Variants in SYNE1 observed in about 807,000 individuals in gnomAD.
SYNE1 encodes the protein spectrin repeat containing nuclear envelope protein 1.
A neutral mutation model predicts 1,111.0 loss-of-function variants in SYNE1; 616 were observed. The observed-to-expected ratio is 0.55, with a 90% confidence interval of 0.52 to 0.59. SYNE1 has a LOEUF of 0.59. Among genes scored for constraint, SYNE1 ranks in the 20% least tolerant of loss-of-function variants. The pLI, the probability that SYNE1 is intolerant of heterozygous loss-of-function variation, is 0.00. For synonymous variants in SYNE1, 3,855 were observed against 3,825.8 expected (o/e 1.01, Z -0.28); for missense variants, 10,006 against 10,417.0 (o/e 0.96, Z 1.72).
Position 152,310,537 on chromosome 6 carries a change from T to C in SYNE1, c.16897-19A>G. On this transcript the variant is annotated intron_variant, in intron 88 of 145. Transcript: ENST00000367255. ...TCATATCCTAGAGAGTCAATATCAATGTATTGTACTTGAAGTTCAAAGCCA... is the reference window on the plus strand; with the variant it reads ...TCATATCCTAGAGAGTCAATATCAACGTATTGTACTTGAAGTTCAAAGCCA... 1 of 1,613,924 alleles carries C rather than the reference T, an allele frequency of 6.2e-7. No homozygotes were observed. The highest frequency in any genetic ancestry group is 1.1e-5 in the South Asian group (1 of 91,046).
At chr6:152,343,454 C>G (rs776330648) in intron 74 of SYNE1, among the ~76,000 whole-genome samples, 12 of 148,548 alleles carry the variant, frequency 8.1e-5, no homozygotes, top group Non-Finnish European at 1.6e-4. Context: ...CCACTATGCC[C>G]GGCCCCATTC....
intron 3 of SYNE1, among the ~76,000 whole-genome samples, chr6:152,607,015 T>C (rs563520621): frequency 4.5e-4 from 52 of 114,446 alleles, no homozygotes; most frequent in African/African-American, 1.7e-3. Context: ...GACGGCGTCT[T>C]GCTCTGTCAC....
intron 102 of SYNE1, among the ~76,000 whole-genome samples, chr6:152,256,365 G>A (rs1486567557): frequency 6.6e-6 from 1 of 152,048 alleles, no homozygotes; most frequent in African/African-American, 2.4e-5. Flanking sequence ...AGGAGGCGGA[G>A]GTTGCAATGA....
intron 78 of SYNE1, 107 bp downstream of exon 78, chr6:152,329,623 G>A (rs1356908312): frequency 3.0e-5 from 42 of 1,422,482 alleles, no homozygotes; most frequent in Middle Eastern, 4.5e-4. Context: ...GTAGTATTTC[G>A]AAAGAAATAT....
At chr6:152,400,180 T>A (rs758311452) in intron 47 of SYNE1, among the ~76,000 whole-genome samples, 1 of 151,986 alleles carries the variant, frequency 6.6e-6, no homozygotes, top group Non-Finnish European at 1.5e-5. Context: ...TTGAACTTTG[T>A]TTCAGAGTCA....
chr6:152,606,554 T>C (rs913811755), intron 3 of SYNE1, among the ~76,000 whole-genome samples: 12 of 152,216 alleles, frequency 7.9e-5, no homozygotes, highest in African/African-American at 2.9e-4. Context: ...ACTCTGCATT[T>C]TACCAATAGA....
At chr6:152,419,047 C>A (rs187907344) in intron 40 of SYNE1, among the ~76,000 whole-genome samples, 1 of 152,224 alleles carries the variant, frequency 6.6e-6, no homozygotes, top group East Asian at 1.9e-4. Context: ...AATGTGTTTG[C>A]CATTTCTCCT....
At chr6:152,276,976 C>CCAGGTT (rs1465626517) in intron 98 of SYNE1, among the ~76,000 whole-genome samples, 1 of 150,442 alleles carries the variant, frequency 6.6e-6, no homozygotes, top group Admixed American at 6.6e-5. Context: ...CCTCTGCTTC[C>CCAGGTT]CAGGTTCAGG....
At chr6:152,309,304 T>C (rs970694152) in intron 90 of SYNE1, among the ~76,000 whole-genome samples, 1 of 152,222 alleles carries the variant, frequency 6.6e-6, no homozygotes, top group Non-Finnish European at 1.5e-5. Context: ...ATACAATTTT[T>C]GGATAAAGCA....
intron 3 of SYNE1, among the ~76,000 whole-genome samples, chr6:152,617,779 G>A (rs2099662742): frequency 6.6e-6 from 1 of 152,188 alleles, no homozygotes; most frequent in Non-Finnish European, 1.5e-5. Flanking sequence ...ACTCTGGCTG[G>A]TGGTATTAGG....
At chr6:152,563,051 A>T (rs982167489) in intron 3 of SYNE1, among the ~76,000 whole-genome samples, 12 of 122,094 alleles carry the variant, frequency 9.8e-5, no homozygotes, top group South Asian at 2.8e-4. Flanking sequence ...GAGGAAAAAG[A>T]GTACACACAC....
chr6:152,435,783 G>A, intron 33 of SYNE1, 158 bp downstream of exon 33: 2 of 891,442 alleles, frequency 2.2e-6, no homozygotes, highest in South Asian at 1.7e-5. Context: ...TTCTGTATTA[G>A]CGATACTTTC....
rs182774598 is a variant in SYNE1, at chr6:152,360,135, G to A, written c.10300-677C>T. 2.1e-3 allele frequency among the ~76,000 whole-genome samples: 326 copies of A among 152,258 alleles called. 5 individuals are homozygous for A. Among genetic ancestry groups the A allele is most frequent in the Admixed American group, 0.016 (243 of 15,294 alleles). On this transcript the variant is annotated intron_variant, in intron 64 of 145. Coordinates refer to ENST00000367255, the MANE Select transcript of SYNE1 (RefSeq NM_182961.4). ...ATGTCTTGCAATTAAAAGTTGAATCGTGTCGCTTCTCAGCTTAAAACCTGG... is the reference window on the plus strand; with the variant it reads ...ATGTCTTGCAATTAAAAGTTGAATCATGTCGCTTCTCAGCTTAAAACCTGG...
At chr6:152,241,500 C>G (rs1588537079) in intron 107 of SYNE1, among the ~76,000 whole-genome samples, 1 of 74,166 alleles carries the variant, frequency 1.3e-5, no homozygotes, top group Non-Finnish European at 2.4e-5. Flanking sequence ...AATGCAAGAG[C>G]TGTGTGTGTG....
In SYNE1 at chr6:152,236,123, A is replaced by T. The variant is rs1408719049; in HGVS notation, c.20380T>A (p.Leu6794Met). Reference protein sequence around the residue: ...SKELHRLETILKHWTRYQSES... With the variant: ...SKELHRLETIMKHWTRYQSES... ...TTGTATTACCTGGTCCAGTGTTTCAATATTGTTTCCAGTCTGTGAAGTTCC... is the reference window on the plus strand; with the variant it reads ...TTGTATTACCTGGTCCAGTGTTTCATTATTGTTTCCAGTCTGTGAAGTTCC... Residue 6794 changes from leucine (L) to methionine (M), a missense_variant, in exon 110 of 146, where the codon TTG becomes ATG. Transcript: ENST00000367255. 1.9e-6 allele frequency: 3 copies of T among 1,613,980 alleles called. No individual in the cohort carries two copies. Among genetic ancestry groups the T allele is most frequent in the Non-Finnish European group, 2.5e-6 (3 of 1,180,024 alleles).
intron 16 of SYNE1, among the ~76,000 whole-genome samples, chr6:152,466,512 G>A (rs2098768910): frequency 1.3e-5 from 2 of 152,046 alleles, no homozygotes; most frequent in South Asian, 2.1e-4. Flanking sequence ...AATAAATGAC[G>A]GTGCACAAAT....
intron 21 of SYNE1, among the ~76,000 whole-genome samples, chr6:152,461,145 T>C (rs1420561536): frequency 3.3e-5 from 5 of 152,294 alleles, no homozygotes; most frequent in East Asian, 3.9e-4. Context: ...GTGAGCTCCA[T>C]GAGATGAGGA....
intron 135 of SYNE1, 100 bp from the exon 136 acceptor site, chr6:152,149,768 T>C (rs1274951965): frequency 9.9e-7 from 1 of 1,010,040 alleles, no homozygotes; most frequent in Non-Finnish European, 1.5e-6. Context: ...AAAAAAGACA[T>C]GTAGGGGCTA....
At chr6:152,234,852 T>C in intron 110 of SYNE1, 52 bp from the exon 111 acceptor site, 2 of 1,597,434 alleles carry the variant, frequency 1.3e-6, no homozygotes, top group Middle Eastern at 3.3e-4. Flanking sequence ...CCCTATCTTC[T>C]ACTCACCTAC....
Sources: allele counts gnomAD v4.1 joint callset (sites outside exome capture counted in the v4.1 genomes callset), GRCh38; gene constraint gnomAD v4.1.1; transcripts MANE v1.5; gene names NCBI Gene and HGNC (gene_info 2026-07-23, HGNC 2026-07-21).